The following AFAP1 variants were observed in gnomAD, a reference collection of about 807,000 sequenced individuals.
The protein encoded by AFAP1 is actin filament associated protein 1.
A neutral mutation model predicts 93.9 loss-of-function variants in AFAP1; 75 were observed. That is an observed-to-expected ratio of 0.80 (90% CI 0.66 to 0.97). The LOEUF (loss-of-function observed/expected upper bound fraction) is 0.97. AFAP1 is among the 50% of genes least tolerant of loss of function. The pLI, the probability that AFAP1 is intolerant of heterozygous loss-of-function variation, is 0.00. For missense variants in AFAP1, 1,201 were observed against 1,050.8 expected, an observed-to-expected ratio of 1.14 and a Z score of -1.98; for synonymous variants, 517 against 430.7, an observed-to-expected ratio of 1.20 and a Z score of -2.48.
chr4:7,868,666 C>T lies in AFAP1; in HGVS notation c.181G>A (p.Ala61Thr), dbSNP rs911232666. The change falls in exon 3 of 18, where the codon GCC becomes ACC. Residue 61 changes from alanine (A) to threonine (T), a missense_variant. By Grantham distance (58) the Ala-to-Thr change is moderately conservative. Transcript: ENST00000420658. ...QKQETANSLP[A>T]PPQMPLPEIP... is the part of the protein sequence containing the mutation. ...TCCGGCAGGGGCATCTGAGGAGGGG[C>T]TGGCAGGCTGTTAGCGGTCTCCTGC... The T allele has an allele frequency of 6.2e-7, 1 of 1,613,386 alleles. No homozygotes were observed. Among genetic ancestry groups the T allele is most frequent in the Non-Finnish European group, 8.5e-7 (1 of 1,179,932 alleles).
chr4:7,837,555 CAGTT>C (rs1712458583), intron 6 of AFAP1, among the ~76,000 whole-genome samples: 3 of 152,198 alleles, frequency 2.0e-5, no homozygotes, highest in Non-Finnish European at 4.4e-5. Flanking sequence ...ATAAGCCACT[CAGTT>C]TATCATATTT....
rs939537691 is a variant in AFAP1, at chr4:7,868,961, G to C, written c.128-242C>G. 7.0e-5 allele frequency among the ~76,000 whole-genome samples: 9 copies of C among 127,970 alleles called. No individual in the cohort carries two copies. Among genetic ancestry groups the C allele is most frequent in the Non-Finnish European group, 1.3e-4 (8 of 59,640 alleles). The allele number at this position is 127,970 out of a possible 152,430, so 84.0% of individuals were successfully genotyped here. ...AGAGAAAGAGAAAGGGAAAGGGAAA[G>C]AAAAGAGAAAAGAAAAAAGAAAAAA... is the stretch of plus-strand genomic sequence containing the variant. On this transcript the variant is annotated intron_variant, in intron 2 of 17. Transcript: ENST00000420658.
At chr4:7,914,807 G>A (rs747670969) in intron 1 of AFAP1, among the ~76,000 whole-genome samples, 7 of 152,050 alleles carry the variant, frequency 4.6e-5, no homozygotes, top group African/African-American at 9.7e-5. Context: ...ACAGTGGCGC[G>A]ATCTCAGCTC....
At chr4:7,861,118 G>A (rs759708931) in intron 3 of AFAP1, among the ~76,000 whole-genome samples, 25 of 152,176 alleles carry the variant, frequency 1.6e-4, no homozygotes, top group Non-Finnish European at 2.9e-4. Context: ...TATATCTACA[G>A]TGACACCTCC....
rs772052925 is a variant in AFAP1, at chr4:7,761,228, A to G, written c.*2537T>C. 5 of 152,268 alleles carry G rather than the reference A, an allele frequency of 3.3e-5. No individual in the cohort carries two copies. Among genetic ancestry groups the G allele is most frequent in the African/African-American group, 4.8e-5 (2 of 41,474 alleles). The allele number at this position is 152,268 out of a possible 1,614,324, so 9.4% of individuals were successfully genotyped here. On this transcript the variant is annotated 3_prime_UTR_variant, in exon 18 of 18. Transcript: ENST00000420658. The stretch of plus-strand genomic sequence containing the variant: ...TGCTTTAAACTTTGATGGAATGTGA[A>G]ATTTCAAGGGAGTATCCGCCATGGA...
At chr4:7,919,165 G>A (rs1294198822) in intron 1 of AFAP1, among the ~76,000 whole-genome samples, 6 of 152,196 alleles carry the variant, frequency 3.9e-5, no homozygotes, top group African/African-American at 1.2e-4. Context: ...CCCCGGAAAG[G>A]GAATCTGACT....
At chr4:7,896,413 G>A (rs983648262) in intron 1 of AFAP1, among the ~76,000 whole-genome samples, 5 of 151,912 alleles carry the variant, frequency 3.3e-5, no homozygotes, top group East Asian at 1.9e-4. Flanking sequence ...GATCACTCTC[G>A]ACTTCCTTCC....
At chr4:7,840,109 A>C (rs967099002) in intron 5 of AFAP1, among the ~76,000 whole-genome samples, 1 of 152,160 alleles carries the variant, frequency 6.6e-6, no homozygotes, top group Admixed American at 6.5e-5. Flanking sequence ...CAACCTGAAA[A>C]GTGACAGACC....
chr4:7,808,335 T>C (rs926370460), intron 9 of AFAP1, among the ~76,000 whole-genome samples: 3 of 152,184 alleles, frequency 2.0e-5, no homozygotes, highest in African/African-American at 7.2e-5. Context: ...CCCGGCCCAC[T>C]GAGGTTCCTA....
Position 7,781,735 on chromosome 4 carries a change from A to G in AFAP1, c.1531-108T>C, listed in dbSNP as rs1306784250. 4 of 1,389,626 alleles carry G rather than the reference A, an allele frequency of 2.9e-6. No homozygotes were observed. The African/African-American group carries it at 6.0e-5, about 21-fold the overall frequency. 86.1% of individuals were successfully genotyped at this position (1,389,626 alleles called of 1,614,324 possible). A position where few individuals can be genotyped will look rare whatever the true frequency, so the allele number is the denominator to read the frequency against. On this transcript the variant is annotated intron_variant, in intron 12 of 17. Transcript: ENST00000420658. The stretch of plus-strand genomic sequence containing the variant: ...AGTACGGCATTTAGCATACATTGGC[A>G]CCCCAACACTCTCCTGCACACAGAC...
intron 1 of AFAP1, among the ~76,000 whole-genome samples, chr4:7,899,379 T>C (rs1338967795): frequency 1.3e-5 from 2 of 152,174 alleles, no homozygotes; most frequent in Non-Finnish European, 2.9e-5. Context: ...GCTGGGTGAA[T>C]GACGAGTTAA....
intron 8 of AFAP1, among the ~76,000 whole-genome samples, chr4:7,812,132 C>G (rs147484692): frequency 5.6e-4 from 86 of 152,270 alleles, no homozygotes; most frequent in African/African-American, 2.1e-3. Flanking sequence ...CAACAGCGGA[C>G]GGCCCCTCCC....
chr4:7,787,530 C>G (rs35041036), intron 11 of AFAP1, among the ~76,000 whole-genome samples: 31,230 of 152,172 alleles, frequency 0.21, 4,155 homozygotes, highest in Non-Finnish European at 0.3. Context: ...CCTGGGGAGC[C>G]TGACGCTGCC....
At chr4:7,837,277 T>C (rs974237734) in intron 6 of AFAP1, among the ~76,000 whole-genome samples, 1 of 152,142 alleles carries the variant, frequency 6.6e-6, no homozygotes, top group African/African-American at 2.4e-5. Flanking sequence ...ATTCATATCC[T>C]GAAATCCTAA....
intron 10 of AFAP1, among the ~76,000 whole-genome samples, chr4:7,798,168 C>T (rs34631741): frequency 0.024 from 977 of 41,270 alleles, 8 homozygotes; most frequent in Middle Eastern, 0.045. Flanking sequence ...TGCAACTCTA[C>T]TGGCTGGCTC....
At chr4:7,827,086 C>G (rs930736078) in intron 6 of AFAP1, among the ~76,000 whole-genome samples, 50 of 152,108 alleles carry the variant, frequency 3.3e-4, no homozygotes, top group African/African-American at 1.2e-3. Context: ...AAAAATGGAT[C>G]TCAGAAAAGA....
intron 9 of AFAP1, among the ~76,000 whole-genome samples, chr4:7,808,303 C>T (rs1206102308): frequency 3.9e-5 from 6 of 152,176 alleles, no homozygotes; most frequent in African/African-American, 1.4e-4. Context: ...TTCATGGAGA[C>T]CACCCCACAA....
chr4:7,822,742 G>A (rs1347104173), intron 6 of AFAP1, among the ~76,000 whole-genome samples: 2 of 138,126 alleles, frequency 1.4e-5, no homozygotes, highest in African/African-American at 5.3e-5. Flanking sequence ...CCGCCACTGC[G>A]CCCGGCTAAT....
At chr4:7,842,118 A>T (rs1289519217) in intron 5 of AFAP1, among the ~76,000 whole-genome samples, 1 of 152,164 alleles carries the variant, frequency 6.6e-6, no homozygotes, top group Non-Finnish European at 1.5e-5. Flanking sequence ...TCATTTTTTA[A>T]TATTCCCCAT....
Sources: allele counts gnomAD v4.1 joint callset (sites outside exome capture counted in the v4.1 genomes callset), GRCh38; gene constraint gnomAD v4.1.1; transcripts MANE v1.5; gene names NCBI Gene and HGNC (gene_info 2026-07-23, HGNC 2026-07-21).